The following CUX1 variants were observed in gnomAD, a reference collection of about 807,000 sequenced individuals.
CUX1 encodes protein CASP.
In CUX1, 31 loss-of-function variants were observed where a neutral mutation model predicts 158.8. The ratio of observed to expected loss-of-function variants is 0.20; its 90% CI spans 0.15 to 0.26. The LOEUF (loss-of-function observed/expected upper bound fraction) is 0.26. CUX1 is among the 10% of genes least tolerant of loss of function. The pLI is 1.00. For missense variants in CUX1, 1,589 were observed against 2,014.6 expected (o/e 0.79, Z 4.04); for synonymous variants, 879 against 862.1 (o/e 1.02, Z -0.34).
At chr7:101,894,276 T>G (rs1225617024) in intron 1 of CUX1, among the ~76,000 whole-genome samples, 1 of 152,266 alleles carries the variant, frequency 6.6e-6, no homozygotes, top group African/African-American at 2.4e-5. Context: ...CATTCCAATC[T>G]GCAGAAAGAC....
chr7:101,896,192 C>G (rs963015489), intron 1 of CUX1, among the ~76,000 whole-genome samples: 1 of 152,020 alleles, frequency 6.6e-6, no homozygotes, highest in Non-Finnish European at 1.5e-5. Flanking sequence ...CCATGCCTGG[C>G]TCACCCATAA....
At chr7:101,912,506 G>A (rs1192975408) in intron 1 of CUX1, among the ~76,000 whole-genome samples, 2 of 152,002 alleles carry the variant, frequency 1.3e-5, no homozygotes, top group African/African-American at 4.8e-5. Flanking sequence ...TTAATAGTTA[G>A]TGCAGTTCTT....
chr7:102,283,202 C>T (rs1168723684), exon 23 of CUX1: 33 of 881,242 alleles, frequency 3.7e-5, no homozygotes, highest in Admixed American at 5.9e-5. Context: ...TGCCCTTATC[C>T]GCTGTCCAGC....
At chr7:102,269,209 CA>C in intron 14 of CUX1, among the ~76,000 whole-genome samples, 1 of 151,454 alleles carries the variant, frequency 6.6e-6, no homozygotes, top group East Asian at 2.0e-4. Context: ...TCCTGGGCTC[CA>C]GTGATCCTCC....
In CUX1 at chr7:102,248,657, C is replaced by T; in HGVS notation, c.4133C>T (p.Ser1378Leu). Residue 1378 changes from serine (S) to leucine (L), a missense_variant, in exon 24 of 24, where the codon TCG becomes TTG. Around this residue, in one of 8 missense-constraint regions of CUX1, gnomAD observed 344 missense variants for 323.7 expected, o/e 1.06. Transcript: ENST00000292535. This position sits in a 1 kb window ranked among gnomAD's most constrained non-coding sequence, Gnocchi z 5.8. The stretch of plus-strand genomic sequence containing the variant: ...GCGGAGCAGACGGAGCCGCCGCCCT[C>T]GGGGACCCCGGGCCCGGACGACGCC... Reference protein sequence around the residue: ...RPAEQTEPPPSGTPGPDDARD... With the variant: ...RPAEQTEPPPLGTPGPDDARD... 7.4e-7 allele frequency: 1 copy of T among 1,352,612 alleles called. No individual in the cohort carries two copies. The highest frequency in any genetic ancestry group is 9.5e-7 in the Non-Finnish European group (1 of 1,054,356). The allele number at this position is 1,352,612 out of a possible 1,614,324, so 83.8% of individuals were successfully genotyped here.
Position 102,104,479 on chromosome 7 carries a change from A to G in CUX1, c.530+20A>G. The G allele has an allele frequency of 1.2e-6, 2 of 1,610,890 alleles. No homozygotes were observed. Among genetic ancestry groups the G allele is most frequent in the Non-Finnish European group, 1.7e-6 (2 of 1,178,858 alleles). On this transcript the variant is annotated intron_variant, in intron 6 of 23. Transcript: ENST00000292535. ...GGAGAGGTGAGCATGACTTCCAGGC[A>G]CACACAGACTGACATAGCATTTGCC... is the stretch of plus-strand genomic sequence containing the variant.
chr7:101,818,873 C>T lies in CUX1; in HGVS notation c.30+1204C>T, dbSNP rs1203199826. 3 of 152,162 alleles carry T rather than the reference C, an allele frequency of 2.0e-5. No homozygotes were observed. The East Asian group carries it at 5.8e-4, about 29-fold the overall frequency. The allele number at this position is 152,162 out of a possible 1,614,324, so 9.4% of individuals were successfully genotyped here. ...GAATTCATTAGTTCCAGATTTTTCT[C>T]ATTTTTCCAGACCTCTTTATACTGA... On this transcript the variant is annotated intron_variant, in intron 1 of 23. Coordinates refer to ENST00000292535, the MANE Select transcript of CUX1 (RefSeq NM_181552.4).
chr7:102,027,007 C>G (rs1247329244), intron 2 of CUX1, among the ~76,000 whole-genome samples: 2 of 152,014 alleles, frequency 1.3e-5, no homozygotes, highest in Non-Finnish European at 2.9e-5. Context: ...GAAATGGGCA[C>G]TGGTGGCATG....
intron 2 of CUX1, chr7:101,932,392 C>T: frequency 2.9e-6 from 1 of 344,898 alleles, no homozygotes; most frequent in Admixed American, 3.8e-5. Flanking sequence ...TCAAATTAGC[C>T]TTCTCCAGGG....
intron 2 of CUX1, among the ~76,000 whole-genome samples, chr7:101,917,097 G>A (rs1293651884): frequency 1.3e-5 from 2 of 152,218 alleles, no homozygotes; most frequent in African/African-American, 4.8e-5. Flanking sequence ...CGGCTTCCGG[G>A]CTTGGGGAAT....
At chr7:102,161,715 A>G (rs1790447572) in intron 9 of CUX1, among the ~76,000 whole-genome samples, 1 of 152,074 alleles carries the variant, frequency 6.6e-6, no homozygotes, top group Non-Finnish European at 1.5e-5. Flanking sequence ...GGTTCAGGCA[A>G]TTCTCCTGCC....
At chr7:101,969,358 G>GCAAAAAAAAAAAAAAAAAAAAAAA (rs1811639943) in intron 2 of CUX1, among the ~76,000 whole-genome samples, 2 of 11,124 alleles carry the variant, frequency 1.8e-4, no homozygotes, top group Non-Finnish European at 3.7e-4. Context: ...ACAAAAAACA[G>GCAAAAAAAAAAAAAAAAAAAAAAA]CAAAAAAAAA....
chr7:102,159,226 T>A (rs1790135359), intron 9 of CUX1, among the ~76,000 whole-genome samples: 1 of 151,760 alleles, frequency 6.6e-6, no homozygotes, highest in Non-Finnish European at 1.5e-5. Context: ...CCTAGGAGAG[T>A]TCCTTAGTGT....
At position 101,984,142 on chromosome 7, in the gene CUX1, ATATATATG is replaced by A. The variant is rs1227775275; in HGVS notation, c.142-43954_142-43947del. Among the ~76,000 whole-genome samples, 23 of 70,782 alleles carry A rather than the reference ATATATATG, an allele frequency of 3.2e-4. 1 individual carries two copies. Among genetic ancestry groups the A allele is most frequent in the African/African-American group, 9.4e-4 (21 of 22,290 alleles). 46.4% of individuals were successfully genotyped at this position (70,782 alleles called of 152,430 possible). ...TATATATATATATACACACACACAT[ATATATATG>A]TGTGTGTGTGTGTGTGTGTGTGTGT... On this transcript the variant is annotated intron_variant, in intron 2 of 23. Coordinates refer to ENST00000292535, the MANE Select transcript of CUX1 (RefSeq NM_181552.4).
chr7:101,835,386 A>G (rs1169043757), intron 1 of CUX1, among the ~76,000 whole-genome samples: 1 of 151,922 alleles, frequency 6.6e-6, no homozygotes, highest in Non-Finnish European at 1.5e-5. Flanking sequence ...GGTTTTGTGT[A>G]TCCTTTCATC....
At chr7:102,176,711 A>G (rs1554512122) in intron 10 of CUX1, among the ~76,000 whole-genome samples, 1 of 151,892 alleles carries the variant, frequency 6.6e-6, no homozygotes. Context: ...AGCTGGGACT[A>G]TAGGCATGCA....
rs10633602 is a variant in CUX1, at chr7:102,117,397, C to CAAA, written c.674+2144_674+2146dup. Among the ~76,000 whole-genome samples, 142 of 46,652 alleles carry CAAA rather than the reference C, an allele frequency of 3.0e-3. 30 individuals carry two copies. The highest frequency in any genetic ancestry group is 0.042 in the Middle Eastern group (1 of 24). 30.6% of individuals were successfully genotyped at this position (46,652 alleles called of 152,430 possible). A position where few individuals can be genotyped will look rare whatever the true frequency, so the allele number is the denominator to read the frequency against. ...TGGGCTACAGAGCCAGACTCCATCG[C>CAAA]AAAAAAAAAAAAAAAAAAAAAAGGT... is the stretch of plus-strand genomic sequence containing the variant. On this transcript the variant is annotated intron_variant, in intron 8 of 23. Coordinates refer to ENST00000292535, the MANE Select transcript of CUX1 (RefSeq NM_181552.4).
At chr7:101,978,723 C>T (rs1813032996) in intron 2 of CUX1, among the ~76,000 whole-genome samples, 1 of 152,248 alleles carries the variant, frequency 6.6e-6, no homozygotes, top group Non-Finnish European at 1.5e-5. Flanking sequence ...TGCCTAGCCT[C>T]TGTCCTCCTC....
intron 3 of CUX1, among the ~76,000 whole-genome samples, chr7:102,037,330 G>C (rs1360275938): frequency 6.6e-6 from 1 of 151,966 alleles, no homozygotes; most frequent in East Asian, 1.9e-4. Context: ...CTTTGGGCTG[G>C]GTAGAATTTC....
Sources: allele counts gnomAD v4.1 joint callset (sites outside exome capture counted in the v4.1 genomes callset), GRCh38; gene constraint gnomAD v4.1.1; regional missense constraint gnomAD v4.1.1; non-coding constraint Gnocchi (gnomAD v3.1); transcripts MANE v1.5; gene names NCBI Gene and HGNC (gene_info 2026-07-23, HGNC 2026-07-21).